PCDHGA5: variants seen among roughly 807,000 people sequenced by gnomAD.
The protein encoded by PCDHGA5 is protocadherin gamma-A5.
In PCDHGA5, 36 loss-of-function variants were observed where a neutral mutation model predicts 56.7. The observed-to-expected ratio is 0.64, with a 90% CI of 0.49 to 0.84. The LOEUF (loss-of-function observed/expected upper bound fraction) is 0.84. PCDHGA5 is among the 40% of genes least tolerant of loss of function. The pLI is 0.00. For missense variants in PCDHGA5, 1,305 were observed against 1,201.5 expected (o/e 1.09, Z -1.27); for synonymous variants, 563 against 520.2 (o/e 1.08, Z -1.12).
In PCDHGA5 at chr5:141,364,854, A is replaced by G. The variant is rs142073719; in HGVS notation, c.524A>G (p.Asn175Ser). The G allele has an allele frequency of 1.4e-3, 2,225 of 1,614,018 alleles. 3 individuals carry two copies. Among genetic ancestry groups the G allele is most frequent in the Non-Finnish European group, 1.7e-3 (2,042 of 1,179,888 alleles). ...NSLRSYQLSSNLHFSLDVVSG... is the reference protein window; with the variant it reads ...NSLRSYQLSSSLHFSLDVVSG... ...CTCCGGAGTTACCAGCTCAGCTCCA[A>G]TCTGCACTTCTCTCTGGATGTGGTA... Residue 175 changes from asparagine to serine, a missense_variant, in exon 1 of 4, where the codon AAT becomes AGT. By Grantham distance (46) the Asn-to-Ser change is conservative. Transcript: ENST00000518069.
intron 1 of PCDHGA5, chr5:141,407,995 C>A: frequency 1.2e-6 from 1 of 869,524 alleles, no homozygotes. Flanking sequence ...AGCCTCTGGC[C>A]TGGGATTCCC....
At chr5:141,478,740 C>T (rs2099474176) in intron 1 of PCDHGA5, 7 of 1,531,524 alleles carry the variant, frequency 4.6e-6, no homozygotes, top group Non-Finnish European at 6.2e-6. Flanking sequence ...GGTTTGTGGT[C>T]CCATTTCAGG....
intron 1 of PCDHGA5, among the ~76,000 whole-genome samples, chr5:141,401,772 G>T (rs756327304): frequency 6.6e-6 from 1 of 152,126 alleles, no homozygotes; most frequent in Non-Finnish European, 1.5e-5. Context: ...TAAGTCTTTT[G>T]CTTGGTTTCC....
chr5:141,486,391 C>T lies in PCDHGA5; in HGVS notation c.2422-8416C>T. The T allele has an allele frequency of 6.2e-7, 1 of 1,614,112 alleles. No individual in the cohort carries two copies. The highest frequency in any genetic ancestry group is 8.5e-7 in the Non-Finnish European group (1 of 1,179,984). Reference sequence around the variant, plus strand: ...AGTCTGCCTTCAGGAACCAGTTCTCCCTGGTGACTGCTGGACCCTTGGATC... The same window carrying T: ...AGTCTGCCTTCAGGAACCAGTTCTCTCTGGTGACTGCTGGACCCTTGGATC... On this transcript the variant is annotated intron_variant, in intron 1 of 3. Transcript: ENST00000518069. The surrounding 1 kb of genome is among the most constrained non-coding windows in gnomAD (Gnocchi z 5.0).
chr5:141,489,913 A>G lies in PCDHGA5; in HGVS notation c.2422-4894A>G. 1 of 1,614,208 alleles carries G rather than the reference A, an allele frequency of 6.2e-7. No homozygotes were observed. Among genetic ancestry groups the G allele is most frequent in the Non-Finnish European group, 8.5e-7 (1 of 1,180,044 alleles). Reference sequence around the variant, plus strand: ...TGGGGGGACCCCAGCCCGCTCAGGGACCACCCTTATCTCTGTCATCGTGCT... The same window carrying G: ...TGGGGGGACCCCAGCCCGCTCAGGGGCCACCCTTATCTCTGTCATCGTGCT... On this transcript the variant is annotated intron_variant, in intron 1 of 3. Transcript: ENST00000518069. The surrounding 1 kb of genome is among the most constrained non-coding windows in gnomAD (Gnocchi z 4.5).
chr5:141,450,669 T>C (rs2098689726), intron 1 of PCDHGA5, among the ~76,000 whole-genome samples: 1 of 151,904 alleles, frequency 6.6e-6, no homozygotes, highest in Admixed American at 6.6e-5. Context: ...GTACTTTTAG[T>C]AGAAACGGGG....
At position 141,472,368 on chromosome 5, in the gene PCDHGA5, C is replaced by T. The variant is rs555805048; in HGVS notation, c.2422-22439C>T. ...CATCCTGGCTAACACGGTGAAACCC[C>T]GTCTCCACTAAAAATAGAAAAAATT... is the stretch of plus-strand genomic sequence containing the variant. On this transcript the variant is annotated intron_variant, in intron 1 of 3. Transcript: ENST00000518069. Among the ~76,000 whole-genome samples, 214 of 152,012 alleles carry T rather than the reference C, an allele frequency of 1.4e-3. 1 individual carries two copies. The highest frequency in any genetic ancestry group is 4.8e-3 in the African/African-American group (199 of 41,452).
At chr5:141,383,028 CT>C (rs1561593940) in intron 1 of PCDHGA5, 2 of 1,613,814 alleles carry the variant, frequency 1.2e-6, no homozygotes, top group Non-Finnish European at 1.7e-6. Context: ...ACAAAGGGTC[CT>C]TTGTGGGAGA....
At chr5:141,389,982 C>T in intron 1 of PCDHGA5, 1 of 1,614,034 alleles carries the variant, frequency 6.2e-7, no homozygotes, top group Non-Finnish European at 8.5e-7. Context: ...GATCTCAGTG[C>T]TCTTCCTCGT....
At chr5:141,426,037 G>A (rs2096911238) in intron 1 of PCDHGA5, among the ~76,000 whole-genome samples, 1 of 152,176 alleles carries the variant, frequency 6.6e-6, no homozygotes, top group South Asian at 2.1e-4. Flanking sequence ...TCAGAGCCCT[G>A]CTGTTGGCCA....
At chr5:141,400,681 T>A in intron 1 of PCDHGA5, 1 of 834,118 alleles carries the variant, frequency 1.2e-6, no homozygotes, top group Non-Finnish European at 1.9e-6. Context: ...CAGTAAATTG[T>A]GAGTTTTTAT....
At chr5:141,470,825 C>G (rs557419577) in intron 1 of PCDHGA5, among the ~76,000 whole-genome samples, 24 of 152,182 alleles carry the variant, frequency 1.6e-4, no homozygotes, top group African/African-American at 4.1e-4. Context: ...GTAGTTAGGA[C>G]GACAAACACA....
intron 1 of PCDHGA5, chr5:141,399,059 A>G (rs769553635): frequency 1.2e-6 from 2 of 1,613,764 alleles, no homozygotes; most frequent in Middle Eastern, 1.6e-4. Context: ...ACCAAGGAAT[A>G]TTCAATGGTT....
chr5:141,486,030 C>A lies in PCDHGA5; in HGVS notation c.2422-8777C>A. The A allele has an allele frequency of 6.2e-7, 1 of 1,614,164 alleles. No homozygotes were observed. The highest frequency in any genetic ancestry group is 8.5e-7 in the Non-Finnish European group (1 of 1,180,012). ...ACCTTTTATTTCAGTGGTCATACCC[C>A]TGATCGTGTAAGAAACCTCTTTAGC... On this transcript the variant is annotated intron_variant, in intron 1 of 3. Coordinates refer to ENST00000518069, the MANE Select transcript of PCDHGA5 (RefSeq NM_018918.3). The surrounding 1 kb of genome is among the most constrained non-coding windows in gnomAD (Gnocchi z 5.0).
chr5:141,394,700 G>A (rs775789970), intron 1 of PCDHGA5: 1 of 1,613,138 alleles, frequency 6.2e-7, no homozygotes, highest in Non-Finnish European at 8.5e-7. Flanking sequence ...TGCGCACGGC[G>A]CGAGCCCTGC....
At chr5:141,478,355 G>T (rs1193169527) in intron 1 of PCDHGA5, 7 of 1,613,742 alleles carry the variant, frequency 4.3e-6, no homozygotes, top group Non-Finnish European at 5.1e-6. Flanking sequence ...CGCGGACGCC[G>T]TGCGGGGAGG....
In PCDHGA5 at chr5:141,432,513, G is replaced by T. The variant is rs755227021; in HGVS notation, c.2422-62294G>T. On this transcript the variant is annotated intron_variant, in intron 1 of 3. Coordinates refer to ENST00000518069, the MANE Select transcript of PCDHGA5 (RefSeq NM_018918.3). The surrounding 1 kb of genome is among the most constrained non-coding windows in gnomAD (Gnocchi z 6.0). ...CTGGCTCCCCGCTCCGCAGAGCCCG[G>T]CTACCTGGTGACCAAGGTGGTGGCG... The T allele has an allele frequency of 3.1e-6, 5 of 1,614,102 alleles. No individual in the cohort carries two copies. Among genetic ancestry groups the T allele is most frequent in the African/African-American group, 2.7e-5 (2 of 75,062 alleles).
chr5:141,404,021 A>G, intron 1 of PCDHGA5: 1 of 1,613,894 alleles, frequency 6.2e-7, no homozygotes, highest in Non-Finnish European at 8.5e-7. Flanking sequence ...TAGCCCAGTG[A>G]GAGAAGACGC....
chr5:141,497,495 T>C (rs193075970), intron 2 of PCDHGA5, among the ~76,000 whole-genome samples: 28 of 151,186 alleles, frequency 1.9e-4, no homozygotes, highest in Admixed American at 1.7e-3. Context: ...TCTCTCTCTC[T>C]CCTCTCTCTG....
Sources: gnomAD v4.1 joint callset for allele counts (sites outside exome capture counted in the v4.1 genomes callset) on GRCh38, gnomAD v4.1.1 for gene constraint, Gnocchi (gnomAD v3.1) non-coding constraint, MANE v1.5 for transcripts, NCBI Gene and HGNC (gene_info 2026-07-23, HGNC 2026-07-21) for gene names.